SMPD3: variants seen among roughly 807,000 people sequenced by gnomAD.
SMPD3 encodes the protein sphingomyelin phosphodiesterase 3, also known as nSMase-2.
In SMPD3, 21 loss-of-function variants were observed where a neutral mutation model predicts 55.7. The ratio of observed to expected loss-of-function variants is 0.38; its 90% CI spans 0.27 to 0.54. The LOEUF is 0.54. Ranked by LOEUF, SMPD3 falls within the 20% of genes least tolerant of loss-of-function variation. SMPD3 has a pLI of 0.80. For missense variants in SMPD3, 842 were observed against 899.6 expected, an observed-to-expected ratio of 0.94 and a Z score of 0.82; for synonymous variants, 457 against 404.3, an observed-to-expected ratio of 1.13 and a Z score of -1.56.
intron 1 of SMPD3, among the ~76,000 whole-genome samples, chr16:68,387,865 G>A (rs1387581983): frequency 6.6e-6 from 1 of 152,208 alleles, no homozygotes; most frequent in Non-Finnish European, 1.5e-5. Context: ...TCCATTCTCT[G>A]TCCCCTAACT....
intron 2 of SMPD3, among the ~76,000 whole-genome samples, chr16:68,381,795 C>A (rs1428235045): frequency 1.3e-5 from 2 of 152,180 alleles, no homozygotes. Flanking sequence ...CCCATCCCAT[C>A]CTGACCAATA....
At chr16:68,381,399 T>C (rs192976462) in intron 2 of SMPD3, among the ~76,000 whole-genome samples, 5 of 152,308 alleles carry the variant, frequency 3.3e-5, no homozygotes, top group Admixed American at 2.6e-4. Context: ...CAGAGCTCTT[T>C]TCCCTTTAGT....
intron 1 of SMPD3, among the ~76,000 whole-genome samples, chr16:68,423,871 G>A (rs2152025765): frequency 6.6e-6 from 1 of 152,172 alleles, no homozygotes; most frequent in East Asian, 2.0e-4. Flanking sequence ...GGGTGGTTCT[G>A]GACCCCAGCA....
intron 1 of SMPD3, among the ~76,000 whole-genome samples, chr16:68,427,755 G>C (rs1025803320): frequency 2.0e-5 from 3 of 151,788 alleles, no homozygotes; most frequent in South Asian, 2.1e-4. Context: ...AAATGACTGG[G>C]GGGGGGTGCT....
At chr16:68,430,534 G>A (rs767571443) in intron 1 of SMPD3, among the ~76,000 whole-genome samples, 6 of 152,098 alleles carry the variant, frequency 3.9e-5, no homozygotes, top group Non-Finnish European at 8.8e-5. Flanking sequence ...CTTTCCCCTG[G>A]TCTGGCTCCT....
intron 1 of SMPD3, among the ~76,000 whole-genome samples, chr16:68,427,151 C>T (rs1217385871): frequency 6.6e-6 from 1 of 152,036 alleles, no homozygotes; most frequent in African/African-American, 2.4e-5. Context: ...AGTGTGCCAC[C>T]ATGCCTGGCT....
At position 68,360,962 on chromosome 16, in the gene SMPD3, C is replaced by T. The variant is rs1379704689; in HGVS notation, c.*244G>A. 24 of 510,720 alleles carry T rather than the reference C, an allele frequency of 4.7e-5. No homozygotes were observed. The highest frequency in any genetic ancestry group is 7.9e-5 in the South Asian group (3 of 37,814). 31.6% of individuals were successfully genotyped at this position (510,720 alleles called of 1,614,324 possible). A position where few individuals can be genotyped will look rare whatever the true frequency, so the allele number is the denominator to read the frequency against. On this transcript the variant is annotated 3_prime_UTR_variant, in exon 9 of 9. Transcript: ENST00000219334. ...GTTGTGCTGTAGATTTGTAGAAAATCGTGTTGTGAAAGAATGGCACTGGTT... is the reference window on the plus strand; with the variant it reads ...GTTGTGCTGTAGATTTGTAGAAAATTGTGTTGTGAAAGAATGGCACTGGTT...
intron 1 of SMPD3, among the ~76,000 whole-genome samples, chr16:68,408,267 C>T (rs972945230): frequency 1.3e-5 from 2 of 152,230 alleles, no homozygotes; most frequent in Admixed American, 6.5e-5. Flanking sequence ...TTTTCTCAAC[C>T]TCATTTCATG....
chr16:68,397,243 A>G (rs560213031), intron 1 of SMPD3, among the ~76,000 whole-genome samples: 62 of 152,278 alleles, frequency 4.1e-4, no homozygotes, highest in Non-Finnish European at 7.6e-4. Context: ...CTTGCTAGCC[A>G]CCACCCTTCC....
intron 1 of SMPD3, among the ~76,000 whole-genome samples, chr16:68,395,821 A>G (rs2090151403): frequency 6.6e-6 from 1 of 152,224 alleles, no homozygotes; most frequent in South Asian, 2.1e-4. Flanking sequence ...CATTTCACTT[A>G]CTCTTTTTTT....
chr16:68,385,792 T>C (rs2152000715), intron 2 of SMPD3, among the ~76,000 whole-genome samples: 1 of 152,298 alleles, frequency 6.6e-6, no homozygotes, highest in Middle Eastern at 3.4e-3. Context: ...GATTCAAGAG[T>C]AGAATTACTC....
intron 1 of SMPD3, among the ~76,000 whole-genome samples, chr16:68,436,257 C>T (rs1567810944): frequency 6.6e-6 from 1 of 152,152 alleles, no homozygotes; most frequent in African/African-American, 2.4e-5. Context: ...AAAAGTATTC[C>T]AATACATTGG....
chr16:68,374,686 G>A (rs1418671587), intron 2 of SMPD3, among the ~76,000 whole-genome samples: 2 of 152,160 alleles, frequency 1.3e-5, no homozygotes, highest in East Asian at 3.9e-4. Flanking sequence ...CCTGCAGAGG[G>A]AGCGACAGCC....
intron 1 of SMPD3, among the ~76,000 whole-genome samples, chr16:68,426,991 C>CTG: frequency 8.9e-6 from 1 of 112,122 alleles, no homozygotes; most frequent in African/African-American, 3.6e-5. Context: ...TCAGGTCTAT[C>CTG]TTTTTTTTTT....
intron 7 of SMPD3, among the ~76,000 whole-genome samples, chr16:68,361,964 T>G (rs998876955): frequency 1.3e-5 from 2 of 152,316 alleles, no homozygotes; most frequent in African/African-American, 4.8e-5. Context: ...TGGCTGAATC[T>G]GGGCTCCGGA....
chr16:68,405,552 A>G (rs1425807208), intron 1 of SMPD3, among the ~76,000 whole-genome samples: 1 of 151,134 alleles, frequency 6.6e-6, no homozygotes, highest in Non-Finnish European at 1.5e-5. Flanking sequence ...TCTCAAAAAA[A>G]AAAAAAAAAA....
chr16:68,405,545 C>CAAAAAAAAAAAAAAAAAAAAAAAA (rs67518521), intron 1 of SMPD3, among the ~76,000 whole-genome samples: 4 of 72,986 alleles, frequency 5.5e-5, no homozygotes, highest in Non-Finnish European at 1.1e-4. Context: ...GACCCTGTCT[C>CAAAAAAAAAAAAAAAAAAAAAAAA]AAAAAAAAAA....
chr16:68,403,213 A>G (rs2090226389), intron 1 of SMPD3, among the ~76,000 whole-genome samples: 1 of 151,986 alleles, frequency 6.6e-6, no homozygotes, highest in Non-Finnish European at 1.5e-5. Flanking sequence ...TCCCTGCTTC[A>G]TTTTTCTTTC....
intron 1 of SMPD3, among the ~76,000 whole-genome samples, chr16:68,431,729 C>T (rs2152030028): frequency 6.6e-6 from 1 of 152,270 alleles, no homozygotes; most frequent in East Asian, 1.9e-4. Context: ...CAAGACCAGC[C>T]TGGTCAACAA....
Sources: allele counts gnomAD v4.1 joint callset (sites outside exome capture counted in the v4.1 genomes callset), GRCh38; gene constraint gnomAD v4.1.1; transcripts MANE v1.5; gene names NCBI Gene and HGNC (gene_info 2026-07-23, HGNC 2026-07-21).